The following SDK1 variants were observed in gnomAD, a reference collection of about 807,000 sequenced individuals.
SDK1 encodes the protein protein sidekick-1.
In SDK1, 157 loss-of-function variants were observed where a neutral mutation model predicts 245.5. The observed-to-expected ratio is 0.64, with a 90% CI of 0.56 to 0.73. The LOEUF is 0.73. Among genes scored for constraint, SDK1 ranks in the 30% least tolerant of loss-of-function variants. The pLI, the probability that SDK1 is intolerant of heterozygous loss-of-function variation, is 0.00. For missense variants in SDK1, 3,583 were observed against 3,002.3 expected (o/e 1.19, Z -4.52); for synonymous variants, 1,647 against 1,278.5 (o/e 1.29, Z -6.15).
At chr7:3,937,610 T>C (rs1431021325) in intron 5 of SDK1, among the ~76,000 whole-genome samples, 1 of 152,234 alleles carries the variant, frequency 6.6e-6, no homozygotes. Context: ...CCACTCTGCC[T>C]AGCAGCCTCT....
At chr7:3,781,785 T>C (rs1023410312) in intron 4 of SDK1, among the ~76,000 whole-genome samples, 8 of 151,692 alleles carry the variant, frequency 5.3e-5, no homozygotes, top group African/African-American at 1.9e-4. Context: ...AAAAATTCAA[T>C]AGAAAGCTTC....
At chr7:4,089,197 C>T (rs998842352) in intron 22 of SDK1, among the ~76,000 whole-genome samples, 2 of 152,044 alleles carry the variant, frequency 1.3e-5, no homozygotes, top group Non-Finnish European at 1.5e-5. Flanking sequence ...TGAGGTCTCT[C>T]AGGTGGAGGT....
intron 5 of SDK1, among the ~76,000 whole-genome samples, chr7:3,919,256 G>A (rs983626977): frequency 2.6e-5 from 4 of 152,222 alleles, no homozygotes; most frequent in Admixed American, 6.5e-5. Flanking sequence ...TCAGTGTGCA[G>A]TGCACAATTA....
chr7:3,951,992 C>A, intron 7 of SDK1, 72 bp downstream of exon 7: 1 of 1,384,288 alleles, frequency 7.2e-7, no homozygotes, highest in Non-Finnish European at 1.0e-6. Context: ...TCTGCAGAAA[C>A]AAAATAGCGT....
At chr7:3,368,283 A>C (rs1236899957) in intron 1 of SDK1, among the ~76,000 whole-genome samples, 1 of 152,232 alleles carries the variant, frequency 6.6e-6, no homozygotes, top group Non-Finnish European at 1.5e-5. Context: ...TTCCCCAGAC[A>C]GAATCTGCTG....
In SDK1 at chr7:3,784,224, A is replaced by G. The variant is rs28839621; in HGVS notation, c.714-37226A>G. ...ATGACCCCCATGCCTGGCCTATTCA[A>G]CTGATTTTCAACAAAGATATTATGC... On this transcript the variant is annotated intron_variant, in intron 4 of 44. Transcript: ENST00000404826. Among the ~76,000 whole-genome samples the G allele has an allele frequency of 5.5e-3, 843 of 151,972 alleles. 9 individuals are homozygous for G. The highest frequency in any genetic ancestry group is 0.019 in the African/African-American group (807 of 41,482).
chr7:3,755,805 T>G (rs1179249185), intron 4 of SDK1, among the ~76,000 whole-genome samples: 1 of 152,204 alleles, frequency 6.6e-6, no homozygotes, highest in Non-Finnish European at 1.5e-5. Context: ...CGTGGTATAG[T>G]GCATCTGACA....
intron 1 of SDK1, among the ~76,000 whole-genome samples, chr7:3,431,555 T>A (rs1181923281): frequency 6.6e-6 from 1 of 152,124 alleles, no homozygotes; most frequent in Non-Finnish European, 1.5e-5. Flanking sequence ...CAAATCAATT[T>A]TTTTTAGTAT....
intron 1 of SDK1, among the ~76,000 whole-genome samples, chr7:3,532,067 A>G (rs1783365078): frequency 6.6e-6 from 1 of 152,186 alleles, no homozygotes; most frequent in Admixed American, 6.5e-5. Flanking sequence ...ACTATTGTTG[A>G]TGGAAATTTT....
chr7:3,973,871 A>G (rs1033238458), intron 12 of SDK1, among the ~76,000 whole-genome samples: 6 of 151,952 alleles, frequency 3.9e-5, no homozygotes, highest in African/African-American at 1.5e-4. Flanking sequence ...TTTTGGTTTA[A>G]TTCATATGCC....
intron 1 of SDK1, among the ~76,000 whole-genome samples, chr7:3,494,569 C>T (rs969429792): frequency 3.9e-5 from 6 of 152,298 alleles, no homozygotes; most frequent in Admixed American, 3.9e-4. Flanking sequence ...ATTGAATTAG[C>T]TCATTAACAT....
Position 4,067,897 on chromosome 7 carries a change from A to G in SDK1, c.2971A>G (p.Ser991Gly). 6.2e-7 allele frequency: 1 copy of G among 1,613,258 alleles called. No homozygotes were observed. Among genetic ancestry groups the G allele is most frequent in the South Asian group, 1.1e-5 (1 of 90,660 alleles). The change falls in exon 20 of 45, where the codon AGC becomes GGC. Residue 991 changes from serine (S) to glycine (G), a missense_variant. By Grantham distance (56) the Ser-to-Gly change is moderately conservative (BLOSUM62 0). Transcript: ENST00000404826. ...GATCTTGGACACATCTCTCAAGGTC[A>G]GCTGGCAGGAGCCCCTGGAGAAAAA... The part of the protein sequence containing the change: ...TEILDTSLKV[S>G]WQEPLEKNGI...
At chr7:3,475,324 C>G (rs1464624625) in intron 1 of SDK1, among the ~76,000 whole-genome samples, 2 of 152,206 alleles carry the variant, frequency 1.3e-5, no homozygotes, top group African/African-American at 4.8e-5. Flanking sequence ...CTCCCCAGCC[C>G]TGCCCCTTAA....
intron 1 of SDK1, among the ~76,000 whole-genome samples, chr7:3,305,611 G>C (rs1779396247): frequency 6.6e-6 from 1 of 152,112 alleles, no homozygotes; most frequent in African/African-American, 2.4e-5. Flanking sequence ...TTTGTAATTT[G>C]AGTTTCAACT....
intron 17 of SDK1, among the ~76,000 whole-genome samples, chr7:4,040,166 G>A (rs1475081366): frequency 6.6e-6 from 1 of 152,186 alleles, no homozygotes; most frequent in Non-Finnish European, 1.5e-5. Context: ...ATAGGGTAAT[G>A]AGGCGTGTTC....
intron 4 of SDK1, among the ~76,000 whole-genome samples, chr7:3,814,077 A>G (rs1191233293): frequency 7.6e-6 from 1 of 131,666 alleles, no homozygotes; most frequent in Non-Finnish European, 1.6e-5. Context: ...GTTCACTCTG[A>G]TGGTAGTTTC....
chr7:3,815,845 G>T (rs1356981350), intron 4 of SDK1, among the ~76,000 whole-genome samples: 14 of 148,974 alleles, frequency 9.4e-5, no homozygotes, highest in African/African-American at 3.3e-4. Flanking sequence ...ATAGTTGGAA[G>T]TAAAGCTCTC....
intron 1 of SDK1, among the ~76,000 whole-genome samples, chr7:3,430,035 G>A (rs1281673641): frequency 1.3e-5 from 2 of 152,190 alleles, no homozygotes; most frequent in South Asian, 2.1e-4. Context: ...TACATTTCAA[G>A]TGCCAACTTG....
At chr7:4,074,908 ATATATATATT>A (rs1170213972) in intron 20 of SDK1, among the ~76,000 whole-genome samples, 15 of 77,392 alleles carry the variant, frequency 1.9e-4, no homozygotes, top group African/African-American at 7.8e-4. Flanking sequence ...ATATATATAT[ATATATATATT>A]TTTTTTTTTT....
Sources: allele counts gnomAD v4.1 joint callset (sites outside exome capture counted in the v4.1 genomes callset), GRCh38; gene constraint gnomAD v4.1.1; transcripts MANE v1.5; gene names NCBI Gene and HGNC (gene_info 2026-07-23, HGNC 2026-07-21).